Variants in SS18 observed in about 807,000 individuals in gnomAD.
The protein encoded by SS18 is SS18 subunit of BAF chromatin remodeling complex.
Under a neutral mutation model 72.5 loss-of-function variants are expected in SS18, and 28 were observed. The observed-to-expected ratio is 0.39, with a 90% CI of 0.29 to 0.53. SS18 has a LOEUF of 0.53. SS18 is among the 20% of genes least tolerant of loss of function. The pLI, the probability that SS18 is intolerant of heterozygous loss-of-function variation, is 0.76. For synonymous variants in SS18, 172 were observed against 164.2 expected (o/e 1.05, Z -0.37); for missense variants, 518 against 535.3 (o/e 0.97, Z 0.32).
chr18:26,044,624 A>C (rs1448161523), intron 5 of SS18, among the ~76,000 whole-genome samples: 1 of 152,012 alleles, frequency 6.6e-6, no homozygotes, highest in Non-Finnish European at 1.5e-5. Flanking sequence ...ACACCTGGCC[A>C]AGATTTTTCA....
Position 26,035,803 on chromosome 18 carries a change from G to C in SS18, c.973+28C>G, listed in dbSNP as rs1201882600. ...CATTCCTGTAGAAGGGGATATATAT[G>C]TGTATGTGTGTGAAGGTATATAGAT... On this transcript the variant is annotated intron_variant, in intron 8 of 10. Coordinates refer to ENST00000415083, the MANE Select transcript of SS18 (RefSeq NM_001007559.3). The surrounding 1 kb of genome is among the most constrained non-coding windows in gnomAD (Gnocchi z 4.4). 2.1e-6 allele frequency: 3 copies of C among 1,452,848 alleles called. No homozygotes were observed. The highest frequency in any genetic ancestry group is 1.4e-5 in the African/African-American group (1 of 71,970). The allele number at this position is 1,452,848 out of a possible 1,614,324, so 90.0% of individuals were successfully genotyped here.
At chr18:26,044,177 A>G (rs906314595) in intron 5 of SS18, among the ~76,000 whole-genome samples, 7 of 152,156 alleles carry the variant, frequency 4.6e-5, no homozygotes, top group African/African-American at 1.7e-4. Context: ...TTAAACACAT[A>G]TTTTTTAAAA....
Position 26,035,804 on chromosome 18 carries a change from T to C in SS18, c.973+27A>G, listed in dbSNP as rs1231920226. On this transcript the variant is annotated intron_variant, in intron 8 of 10. Coordinates refer to ENST00000415083, the MANE Select transcript of SS18 (RefSeq NM_001007559.3). This position sits in a 1 kb window ranked among gnomAD's most constrained non-coding sequence, Gnocchi z 4.4. ...ATTCCTGTAGAAGGGGATATATATGTGTATGTGTGTGAAGGTATATAGATA... is the reference window on the plus strand; with the variant it reads ...ATTCCTGTAGAAGGGGATATATATGCGTATGTGTGTGAAGGTATATAGATA... 6.8e-7 allele frequency: 1 copy of C among 1,463,112 alleles called. No individual in the cohort carries two copies. The highest frequency in any genetic ancestry group is 9.5e-7 in the Non-Finnish European group (1 of 1,057,790). The allele number at this position is 1,463,112 out of a possible 1,614,324, so 90.6% of individuals were successfully genotyped here. A position where few individuals can be genotyped will look rare whatever the true frequency, so the allele number is the denominator to read the frequency against.
intron 2 of SS18, among the ~76,000 whole-genome samples, chr18:26,080,147 T>C (rs2054490941): frequency 6.7e-6 from 1 of 149,738 alleles, no homozygotes; most frequent in South Asian, 2.1e-4. Flanking sequence ...TAATGGTTAA[T>C]TGTGTTGTTG....
At chr18:26,027,300 C>T (rs1292803585) in intron 10 of SS18, among the ~76,000 whole-genome samples, 1 of 152,106 alleles carries the variant, frequency 6.6e-6, no homozygotes, top group Non-Finnish European at 1.5e-5. Context: ...GAAACAGACA[C>T]ATGTTTATGG....
intron 10 of SS18, among the ~76,000 whole-genome samples, chr18:26,021,411 G>C (rs1360217650): frequency 6.6e-6 from 1 of 152,190 alleles, no homozygotes; most frequent in Non-Finnish European, 1.5e-5. Context: ...ACAGTGAACA[G>C]AGCATGGGCT....
In SS18 at chr18:26,035,935, C is replaced by T. The variant is rs368767684; in HGVS notation, c.881-12G>A. The T allele has an allele frequency of 1.3e-6, 2 of 1,577,328 alleles. No individual in the cohort carries two copies. The highest frequency in any genetic ancestry group is 1.7e-6 in the Non-Finnish European group (2 of 1,155,426). On this transcript the variant is annotated splice_polypyrimidine_tract_variant and intron_variant, in intron 7 of 10. Coordinates refer to ENST00000415083, the MANE Select transcript of SS18 (RefSeq NM_001007559.3). This position sits in a 1 kb window ranked among gnomAD's most constrained non-coding sequence, Gnocchi z 4.4. The stretch of plus-strand genomic sequence containing the variant: ...GTAATCATTATGACCTACATCAATT[C>T]GACAAGAGACAGGAAGAAACGTTAA...
At chr18:26,020,829 G>A (rs1347777363) in intron 10 of SS18, among the ~76,000 whole-genome samples, 1 of 151,986 alleles carries the variant, frequency 6.6e-6, no homozygotes, top group Non-Finnish European at 1.5e-5. Flanking sequence ...AAGAAAAGGG[G>A]GCAATTCAAA....
Position 26,078,218 on chromosome 18 carries a change from G to A in SS18, c.147-58C>T, listed in dbSNP as rs2054451828. 3 of 1,206,484 alleles carry A rather than the reference G, an allele frequency of 2.5e-6. No individual in the cohort carries two copies. In the South Asian group the frequency reaches 3.9e-5, roughly 16 times the overall value. 74.7% of individuals were successfully genotyped at this position (1,206,484 alleles called of 1,614,324 possible). A position where few individuals can be genotyped will look rare whatever the true frequency, so the allele number is the denominator to read the frequency against. On this transcript the variant is annotated intron_variant, in intron 2 of 10. Transcript: ENST00000415083. The stretch of plus-strand genomic sequence containing the variant: ...AATAATTTTCTTCCTACCTGCCTAA[G>A]TACAAACAGCACTATAATCATTTCT...
chr18:26,068,650 T>C (rs1216852011), intron 3 of SS18: 2 of 152,168 alleles, frequency 1.3e-5, no homozygotes, highest in Admixed American at 6.5e-5. Context: ...TGAAGACTAA[T>C]ATTATCATCT....
At chr18:26,088,866 A>C (rs1209568133) in intron 1 of SS18, among the ~76,000 whole-genome samples, 1 of 151,012 alleles carries the variant, frequency 6.6e-6, no homozygotes, top group Non-Finnish European at 1.5e-5. Context: ...GTGAATCATA[A>C]TCTTCACTTA....
chr18:26,068,553 C>T (rs945439086), intron 3 of SS18: 1 of 152,184 alleles, frequency 6.6e-6, no homozygotes, highest in African/African-American at 2.4e-5. Context: ...TTACTTGAAT[C>T]ACACCTGTAA....
At position 26,057,575 on chromosome 18, in the gene SS18, G is replaced by C; in HGVS notation, c.385+14C>G. 1 of 1,614,000 alleles carries C rather than the reference G, an allele frequency of 6.2e-7. No homozygotes were observed. Among genetic ancestry groups the C allele is most frequent in the Middle Eastern group, 1.7e-4 (1 of 6,014 alleles). ...GCAACTCTGGTGTTAATGTCTTAGA[G>C]GAGAAAAACTTACCAGGCATCTGGC... On this transcript the variant is annotated intron_variant, in intron 4 of 10. Transcript: ENST00000415083.
At chr18:26,024,897 C>A (rs1359686903) in intron 10 of SS18, among the ~76,000 whole-genome samples, 2 of 152,068 alleles carry the variant, frequency 1.3e-5, no homozygotes, top group African/African-American at 4.8e-5. Flanking sequence ...CAAGATCCGA[C>A]TGACTACATA....
chr18:26,076,336 A>G (rs1278765827), intron 3 of SS18, among the ~76,000 whole-genome samples: 2 of 151,952 alleles, frequency 1.3e-5, no homozygotes, highest in African/African-American at 2.4e-5. Context: ...CAGACCAAGG[A>G]AACGATATAA....
chr18:26,090,162 C>G (rs747781780), intron 1 of SS18: 3 of 300,616 alleles, frequency 1.0e-5, no homozygotes, highest in Non-Finnish European at 1.8e-5. Context: ...GCGGGGCCGC[C>G]GGTCCGACAC....
chr18:26,077,369 C>G (rs190200633), intron 3 of SS18, among the ~76,000 whole-genome samples: 1 of 152,166 alleles, frequency 6.6e-6, no homozygotes, highest in Non-Finnish European at 1.5e-5. Flanking sequence ...AACAAAGGAA[C>G]ACGTTAAAGG....
At chr18:26,026,662 T>C (rs1056098039) in intron 10 of SS18, among the ~76,000 whole-genome samples, 10 of 151,916 alleles carry the variant, frequency 6.6e-5, no homozygotes, top group Non-Finnish European at 1.0e-4. Context: ...GGAAGGAACA[T>C]GGGGGAGCAT....
chr18:26,045,492 C>T (rs1050030663), intron 5 of SS18, among the ~76,000 whole-genome samples: 6 of 152,154 alleles, frequency 3.9e-5, no homozygotes, highest in African/African-American at 1.4e-4. Context: ...CTGCTCACCA[C>T]CCTAAAATGG....
Sources: allele counts gnomAD v4.1 joint callset (sites outside exome capture counted in the v4.1 genomes callset), GRCh38; gene constraint gnomAD v4.1.1; non-coding constraint Gnocchi (gnomAD v3.1); transcripts MANE v1.5; gene names NCBI Gene and HGNC (gene_info 2026-07-23, HGNC 2026-07-21).